Variants in ADAMTSL1 observed in about 807,000 individuals in gnomAD.
The protein encoded by ADAMTSL1 is ADAMTS like 1, also known as ADAMTS-like protein 1.
ADAMTSL1 carries 126 observed loss-of-function variants against 201.8 expected under a neutral mutation model. That is an observed-to-expected ratio of 0.62 (90% CI 0.54 to 0.72). ADAMTSL1 has a LOEUF of 0.72. ADAMTSL1 is among the 30% of genes least tolerant of loss of function. ADAMTSL1 has a pLI of 0.00. For missense variants in ADAMTSL1, 2,679 were observed against 2,277.8 expected, an observed-to-expected ratio of 1.18 and a Z score of -3.59; for synonymous variants, 1,121 against 903.4, an observed-to-expected ratio of 1.24 and a Z score of -4.32.
intron 26 of ADAMTSL1, among the ~76,000 whole-genome samples, chr9:18,898,564 A>G (rs2131592541): frequency 6.6e-6 from 1 of 152,356 alleles, no homozygotes; most frequent in South Asian, 2.1e-4. Flanking sequence ...TGAAAGAGAC[A>G]GGGAGAACAG....
At chr9:18,407,487 A>C (rs1818255702) in intron 2 of ADAMTSL1, among the ~76,000 whole-genome samples, 2 of 152,218 alleles carry the variant, frequency 1.3e-5, no homozygotes, top group Admixed American at 1.3e-4. Context: ...TGGGGGATAA[A>C]CATTGAGTAA....
intron 1 of ADAMTSL1, among the ~76,000 whole-genome samples, chr9:17,983,405 T>C (rs1289196806): frequency 6.6e-6 from 1 of 152,154 alleles, no homozygotes; most frequent in Non-Finnish European, 1.5e-5. Context: ...GTGATCTTAA[T>C]GTGTGGCCAA....
intron 5 of ADAMTSL1, among the ~76,000 whole-genome samples, chr9:18,623,873 T>C (rs528962749): frequency 3.3e-5 from 5 of 152,360 alleles, no homozygotes; most frequent in Admixed American, 1.3e-4. Context: ...ATATCTTTAC[T>C]GAATGTGTTT....
intron 1 of ADAMTSL1, among the ~76,000 whole-genome samples, chr9:18,067,802 A>G (rs1441974007): frequency 6.6e-6 from 1 of 152,064 alleles, no homozygotes; most frequent in Non-Finnish European, 1.5e-5. Flanking sequence ...TGGATTGTTT[A>G]CCCTGGAGAA....
At chr9:18,100,836 T>C (rs191785924) in intron 1 of ADAMTSL1, among the ~76,000 whole-genome samples, 5 of 152,358 alleles carry the variant, frequency 3.3e-5, no homozygotes, top group Admixed American at 3.3e-4. Flanking sequence ...TGTTCTGAAA[T>C]TGACCTCCTA....
chr9:18,697,638 G>A (rs1256803199), intron 13 of ADAMTSL1, among the ~76,000 whole-genome samples: 1 of 152,238 alleles, frequency 6.6e-6, no homozygotes, highest in East Asian at 1.9e-4. Context: ...TGGTGGTAAT[G>A]GAAATGGAGA....
intron 12 of ADAMTSL1, among the ~76,000 whole-genome samples, chr9:18,684,311 A>G (rs1026387230): frequency 6.6e-6 from 1 of 152,104 alleles, no homozygotes; most frequent in Admixed American, 6.5e-5. Context: ...AAAAAAAAAA[A>G]GTTAGAATTT....
chr9:18,286,017 T>C (rs185183524), intron 2 of ADAMTSL1, among the ~76,000 whole-genome samples: 39 of 152,044 alleles, frequency 2.6e-4, no homozygotes, highest in African/African-American at 9.2e-4. Context: ...CCCCTAGCTC[T>C]ATGCAACTGG....
At chr9:18,768,300 C>A (rs913613333) in intron 16 of ADAMTSL1, among the ~76,000 whole-genome samples, 1 of 152,186 alleles carries the variant, frequency 6.6e-6, no homozygotes, top group African/African-American at 2.4e-5. Context: ...GTTGCTACAA[C>A]CACGGAGGAG....
At chr9:18,538,001 G>T (rs1049502876) in intron 3 of ADAMTSL1, among the ~76,000 whole-genome samples, 3 of 151,896 alleles carry the variant, frequency 2.0e-5, no homozygotes, top group African/African-American at 7.3e-5. Context: ...AGAAGAAGAA[G>T]AAGGAGGAGG....
Position 18,101,021 on chromosome 9 carries a change from G to A in ADAMTSL1, c.88-62841G>A, listed in dbSNP as rs1383538305. 8.5e-5 allele frequency among the ~76,000 whole-genome samples: 13 copies of A among 152,244 alleles called. No individual in the cohort carries two copies. The South Asian group carries it at 2.7e-3, about 32-fold the overall frequency. On this transcript the variant is annotated intron_variant, in intron 1 of 29. Coordinates refer to the ADAMTSL1 transcript ENST00000680146. ...AGTTGGGGATGCATGGGGATATGCT[G>A]TCACATACTTTTGTTGTATATGTTG...
In ADAMTSL1 at chr9:18,639,320, T is replaced by C. The variant is rs139268331; in HGVS notation, c.743T>C (p.Leu248Pro). 119 of 1,612,944 alleles carry C rather than the reference T, an allele frequency of 7.4e-5. No homozygotes were observed. The highest frequency in any genetic ancestry group is 6.6e-4 in the Middle Eastern group (4 of 6,076). ...AGTCTCAGCTCCACAGGAACTTTCC[T>C]TGTGGACAATTCTAGTGTGGACTTC... ...ENSLSSTGTFLVDNSSVDFQK... is the reference protein window; with the variant it reads ...ENSLSSTGTFPVDNSSVDFQK... The change falls in exon 7 of 29, where the codon CTT becomes CCT. Residue 248 changes from leucine (L) to proline (P), a missense_variant. By Grantham distance (98) the Leu-to-Pro change is moderately conservative (BLOSUM62 -3). Coordinates refer to ENST00000380548, the MANE Select transcript of ADAMTSL1 (RefSeq NM_001040272.6).
chr9:18,717,258 A>T (rs1225004465), intron 14 of ADAMTSL1, among the ~76,000 whole-genome samples: 1 of 139,546 alleles, frequency 7.2e-6, no homozygotes, highest in Non-Finnish European at 1.5e-5. Context: ...AATAATAAAT[A>T]AAATAAAATA....
At chr9:18,335,101 G>A (rs1223697030) in intron 2 of ADAMTSL1, among the ~76,000 whole-genome samples, 1 of 152,088 alleles carries the variant, frequency 6.6e-6, no homozygotes, top group Non-Finnish European at 1.5e-5. Context: ...TTAGTGTAAT[G>A]ACAAAGATAA....
chr9:18,757,296 A>G (rs937665439), intron 16 of ADAMTSL1, among the ~76,000 whole-genome samples: 1 of 151,934 alleles, frequency 6.6e-6, no homozygotes, highest in Non-Finnish European at 1.5e-5. Flanking sequence ...TACACTCATC[A>G]TCATCCTCCT....
chr9:18,470,554 G>A (rs945514464), upstream of ADAMTSL1, among the ~76,000 whole-genome samples: 1 of 152,148 alleles, frequency 6.6e-6, no homozygotes, highest in Non-Finnish European at 1.5e-5. Context: ...AATCCTCCCA[G>A]CCCTGAGTTC....
chr9:18,447,438 T>C (rs182063468), intron 2 of ADAMTSL1, among the ~76,000 whole-genome samples: 2 of 152,086 alleles, frequency 1.3e-5, no homozygotes, highest in East Asian at 1.9e-4. Context: ...ATTGAAATAA[T>C]GGGGAAAATG....
intron 1 of ADAMTSL1, among the ~76,000 whole-genome samples, chr9:17,957,072 G>A (rs1230293329): frequency 6.6e-6 from 1 of 152,034 alleles, no homozygotes; most frequent in Non-Finnish European, 1.5e-5. Context: ...AGAAAACATG[G>A]AATTAGAAAC....
intron 26 of ADAMTSL1, among the ~76,000 whole-genome samples, chr9:18,899,956 A>G (rs558129118): frequency 6.6e-6 from 1 of 152,362 alleles, no homozygotes; most frequent in Admixed American, 6.5e-5. Context: ...TAACTAAACT[A>G]AAGAGCTTCT....
Sources: allele counts gnomAD v4.1 joint callset (sites outside exome capture counted in the v4.1 genomes callset), GRCh38; gene constraint gnomAD v4.1.1; transcripts MANE v1.5; gene names NCBI Gene and HGNC (gene_info 2026-07-23, HGNC 2026-07-21).